The following ELOVL2 variants were observed in gnomAD, a reference collection of about 807,000 sequenced individuals.
ELOVL2 encodes very long chain fatty acid elongase 2.
Under a neutral mutation model 37.7 loss-of-function variants are expected in ELOVL2, and 38 were observed. The ratio of observed to expected loss-of-function variants is 1.01; its 90% CI spans 0.78 to 1.32. The LOEUF is 1.32. Ranked by LOEUF, ELOVL2 falls within the 40% of genes most tolerant of loss-of-function variation. The pLI, the probability that ELOVL2 is intolerant of heterozygous loss-of-function variation, is 0.00. For missense variants in ELOVL2, 352 were observed against 363.6 expected (o/e 0.97, Z 0.26); for synonymous variants, 115 against 122.3 (o/e 0.94, Z 0.40).
chr6:10,989,955 C>A, intron 6 of ELOVL2, 118 bp from the exon 7 acceptor site: 1 of 1,187,562 alleles, frequency 8.4e-7, no homozygotes, highest in Non-Finnish European at 1.2e-6. Context: ...TATGTAGGAA[C>A]AAAACAAAGC....
At chr6:10,993,557 A>G (rs1383293448) in intron 5 of ELOVL2, among the ~76,000 whole-genome samples, 1 of 152,262 alleles carries the variant, frequency 6.6e-6, no homozygotes, top group Non-Finnish European at 1.5e-5. Context: ...GTTTCCCAAA[A>G]TGAAATCACT....
At chr6:11,030,215 T>C (rs1250038327) in intron 1 of ELOVL2, among the ~76,000 whole-genome samples, 2 of 152,166 alleles carry the variant, frequency 1.3e-5, no homozygotes, top group Non-Finnish European at 2.9e-5. Flanking sequence ...ATGTGGAGTC[T>C]GACCTGGTAA....
intron 1 of ELOVL2, among the ~76,000 whole-genome samples, chr6:11,018,847 TA>T (rs1398645900): frequency 6.6e-6 from 1 of 152,236 alleles, no homozygotes; most frequent in East Asian, 1.9e-4. Flanking sequence ...CAAACTTGTT[TA>T]TACTTATTAT....
intron 6 of ELOVL2, 99 bp from the exon 7 acceptor site, chr6:10,989,936 T>C (rs973391883): frequency 1.8e-5 from 25 of 1,383,196 alleles, no homozygotes; most frequent in Non-Finnish European, 2.2e-5. Flanking sequence ...CTCCTAGGAC[T>C]CTTGGAATTA....
At chr6:11,012,259 T>G (rs574942585) in intron 1 of ELOVL2, among the ~76,000 whole-genome samples, 1 of 152,342 alleles carries the variant, frequency 6.6e-6, no homozygotes, top group East Asian at 1.9e-4. Context: ...TCATAATATC[T>G]TTATAAAAAA....
Position 10,983,518 on chromosome 6 carries a change from A to C in ELOVL2, c.*263T>G, listed in dbSNP as rs1781983682. 3.5e-6 allele frequency: 1 copy of C among 289,680 alleles called. No homozygotes were observed. Among genetic ancestry groups the C allele is most frequent in the African/African-American group, 2.2e-5 (1 of 45,774 alleles). 17.9% of individuals were successfully genotyped at this position (289,680 alleles called of 1,614,324 possible). ...GGCGTTATAAGGACAGCTTCTGGCG[A>C]AAGGTTCAGTCTGTGGGAGGGAGGG... On this transcript the variant is annotated 3_prime_UTR_variant, in exon 8 of 8. Coordinates refer to ENST00000354666, the MANE Select transcript of ELOVL2 (RefSeq NM_017770.4).
chr6:10,983,813 C>T lies in ELOVL2; in HGVS notation c.859G>A (p.Ala287Thr). ...NGFSKAYFTA[A>T]NGVMNKKAQ The stretch of plus-strand genomic sequence containing the variant: ...GCTTTCTTGTTCATCACTCCATTTG[C>T]TGCAGTGAAGTAGGCTTTGGAAAAA... Residue 287 changes from alanine to threonine, a missense_variant, in exon 8 of 8, where the codon GCA (alanine) becomes ACA (threonine). Coordinates refer to ENST00000354666, the MANE Select transcript of ELOVL2 (RefSeq NM_017770.4). The T allele has an allele frequency of 3.1e-6, 5 of 1,612,798 alleles. No individual in the cohort carries two copies. Among genetic ancestry groups the T allele is most frequent in the Non-Finnish European group, 4.2e-6 (5 of 1,179,648 alleles).
In ELOVL2 at chr6:10,983,529, C is replaced by G; in HGVS notation, c.*252G>C. On this transcript the variant is annotated 3_prime_UTR_variant, in exon 8 of 8. Coordinates refer to ENST00000354666, the MANE Select transcript of ELOVL2 (RefSeq NM_017770.4). ...GACAGCTTCTGGCGAAAGGTTCAGTCTGTGGGAGGGAGGGAGAGAGAAGCT... is the reference window on the plus strand; with the variant it reads ...GACAGCTTCTGGCGAAAGGTTCAGTGTGTGGGAGGGAGGGAGAGAGAAGCT... 3.2e-6 allele frequency: 1 copy of G among 316,744 alleles called. No homozygotes were observed. The highest frequency in any genetic ancestry group is 5.8e-5 in the East Asian group (1 of 17,148). 19.6% of individuals were successfully genotyped at this position (316,744 alleles called of 1,614,324 possible).
chr6:11,023,306 T>C (rs1295505102), intron 1 of ELOVL2, among the ~76,000 whole-genome samples: 2 of 152,202 alleles, frequency 1.3e-5, no homozygotes, highest in African/African-American at 4.8e-5. Flanking sequence ...GCTCTGGTTA[T>C]CAAGTACTGA....
At chr6:11,017,141 G>C (rs1423644699) in intron 1 of ELOVL2, among the ~76,000 whole-genome samples, 1 of 152,190 alleles carries the variant, frequency 6.6e-6, no homozygotes, top group Non-Finnish European at 1.5e-5. Context: ...TAACATCTTA[G>C]AAATGAGATG....
chr6:11,026,606 TC>T (rs1167038534), intron 1 of ELOVL2, among the ~76,000 whole-genome samples: 2 of 152,210 alleles, frequency 1.3e-5, no homozygotes, highest in African/African-American at 4.8e-5. Context: ...TTTGTTTCAC[TC>T]GACTAACTAG....
intron 7 of ELOVL2, 151 bp from the exon 8 acceptor site, chr6:10,984,057 AC>A: frequency 1.4e-6 from 1 of 735,666 alleles, no homozygotes; most frequent in Non-Finnish European, 2.1e-6. Flanking sequence ...TCAATCTGTC[AC>A]CCAGGCTGGA....
Position 11,019,950 on chromosome 6 carries a change from G to C in ELOVL2, c.4-9141C>G, listed in dbSNP as rs74804428. 4.6e-4 allele frequency among the ~76,000 whole-genome samples: 70 copies of C among 152,258 alleles called. No individual in the cohort carries two copies. In the East Asian group the frequency reaches 0.013, roughly 29 times the overall value. On this transcript the variant is annotated intron_variant, in intron 1 of 7. Transcript: ENST00000354666. ...GTAGAGCTGAGGTTTCACCATGTTG[G>C]CCAAGCCGGTTTCGAACTCCTGACC... is the stretch of plus-strand genomic sequence containing the variant.
At chr6:10,994,806 C>T (rs7754836) in intron 5 of ELOVL2, among the ~76,000 whole-genome samples, 8,823 of 152,194 alleles carry the variant, frequency 0.058, 828 homozygotes, top group African/African-American at 0.2. Flanking sequence ...ATTTAAGGTT[C>T]GGCCCAGATT....
intron 3 of ELOVL2, among the ~76,000 whole-genome samples, chr6:11,004,529 G>T (rs534848916): frequency 6.7e-6 from 1 of 149,570 alleles, no homozygotes; most frequent in Middle Eastern, 3.4e-3. Context: ...TCCTTCTCCT[G>T]TAAAATGACC....
chr6:11,003,175 T>G lies in ELOVL2; in HGVS notation c.255+2197A>C, dbSNP rs143983145. Among the ~76,000 whole-genome samples, 345 of 152,324 alleles carry G rather than the reference T, an allele frequency of 2.3e-3. 7 individuals are homozygous for G. The highest frequency in any genetic ancestry group is 0.016 in the Admixed American group (240 of 15,296). ...ATTTTACTTTAAATTCTGGGATACA[T>G]GTGCAGAATGTGCAGGTTTGTTACA... On this transcript the variant is annotated intron_variant, in intron 3 of 7. Transcript: ENST00000354666.
rs543117047 is a variant in ELOVL2, at chr6:11,025,932, T to C, written c.4-15123A>G. On this transcript the variant is annotated intron_variant, in intron 1 of 7. Transcript: ENST00000354666. ...AATGAATGCAGCTGTAAAAGATTTA[T>C]AGTCTTTTTGCTTCCAACCTTTAAA... Among the ~76,000 whole-genome samples, 4 of 152,360 alleles carry C rather than the reference T, an allele frequency of 2.6e-5. No homozygotes were observed. The East Asian group carries it at 5.8e-4, about 22-fold the overall frequency.
chr6:11,009,154 G>A (rs1400043024), intron 2 of ELOVL2, among the ~76,000 whole-genome samples: 4 of 152,178 alleles, frequency 2.6e-5, no homozygotes, highest in South Asian at 2.1e-4. Flanking sequence ...CTGCCCTTCT[G>A]GGAGAAATCG....
chr6:10,987,063 C>G (rs1216414540), intron 7 of ELOVL2, among the ~76,000 whole-genome samples: 2 of 152,302 alleles, frequency 1.3e-5, no homozygotes, highest in African/African-American at 4.8e-5. Context: ...CAGCTTCTTC[C>G]TGGTTTAGTC....
Sources: gnomAD v4.1 joint callset for allele counts (sites outside exome capture counted in the v4.1 genomes callset) on GRCh38, gnomAD v4.1.1 for gene constraint, MANE v1.5 for transcripts, NCBI Gene and HGNC (gene_info 2026-07-23, HGNC 2026-07-21) for gene names.